HDAC9: variants seen among roughly 807,000 people sequenced by gnomAD.
HDAC9 encodes MEF-2 interacting transcription repressor (MITR) protein.
HDAC9 carries 41 observed loss-of-function variants against 139.4 expected under a neutral mutation model. The observed-to-expected ratio is 0.29, with a 90% CI of 0.23 to 0.38. The LOEUF (loss-of-function observed/expected upper bound fraction) is 0.38, where lower values mean the gene tolerates loss of function less well. Among genes scored for constraint, HDAC9 ranks in the 10% least tolerant of loss-of-function variants. HDAC9 has a pLI of 1.00. For synonymous variants in HDAC9, 517 were observed against 476.2 expected (o/e 1.09, Z -1.12); for missense variants, 1,147 against 1,297.0 (o/e 0.88, Z 1.78).
intron 1 of HDAC9, among the ~76,000 whole-genome samples, chr7:18,353,648 A>G (rs1408799385): frequency 6.6e-6 from 1 of 152,210 alleles, no homozygotes; most frequent in Non-Finnish European, 1.5e-5. Context: ...TTGGGTATCA[A>G]CAGCATATAA....
At chr7:18,507,488 C>T (rs561050566) in intron 2 of HDAC9, among the ~76,000 whole-genome samples, 2 of 150,984 alleles carry the variant, frequency 1.3e-5, no homozygotes, top group Non-Finnish European at 2.9e-5. Context: ...CCACCGCACC[C>T]GGCTATTATT....
intron 2 of HDAC9, among the ~76,000 whole-genome samples, chr7:18,271,179 T>G (rs1796327701): frequency 1.3e-5 from 2 of 152,180 alleles, no homozygotes; most frequent in African/African-American, 4.8e-5. Flanking sequence ...AACGTGTAAT[T>G]GGGGAAGAAA....
intron 1 of HDAC9, among the ~76,000 whole-genome samples, chr7:18,126,822 A>G (rs780563610): frequency 1.3e-5 from 2 of 152,160 alleles, no homozygotes; most frequent in Non-Finnish European, 2.9e-5. Flanking sequence ...TGGATTAAAG[A>G]TAGTAGTAGT....
chr7:18,734,241 T>C (rs1786672234), intron 13 of HDAC9, among the ~76,000 whole-genome samples: 1 of 152,202 alleles, frequency 6.6e-6, no homozygotes, highest in South Asian at 2.1e-4. Context: ...GTGATCTTTT[T>C]CATTATACTT....
chr7:18,375,427 C>G (rs1784914849), intron 1 of HDAC9, among the ~76,000 whole-genome samples: 2 of 152,144 alleles, frequency 1.3e-5, no homozygotes, highest in African/African-American at 4.8e-5. Context: ...CGAGATCACG[C>G]CACTGCGCTC....
chr7:18,117,288 C>A (rs1267273645), intron 1 of HDAC9, among the ~76,000 whole-genome samples: 1 of 151,988 alleles, frequency 6.6e-6, no homozygotes, highest in African/African-American at 2.4e-5. Context: ...AGATCGAGAC[C>A]TTCCTGGCTA....
At chr7:18,440,277 C>T (rs1007902071) in intron 1 of HDAC9, among the ~76,000 whole-genome samples, 1 of 151,712 alleles carries the variant, frequency 6.6e-6, no homozygotes, top group Non-Finnish European at 1.5e-5. Context: ...CTCCGCCTCC[C>T]AGGTTAAAGT....
intron 16 of HDAC9, among the ~76,000 whole-genome samples, chr7:18,777,356 TTGTGCATTTTAG>T (rs1397021146): frequency 1.3e-5 from 2 of 151,928 alleles, no homozygotes; most frequent in Non-Finnish European, 2.9e-5. Flanking sequence ...GTTTTTTTCC[TTGTGCATTTTAG>T]TGTCTTCTTG....
At chr7:18,666,522 A>T (rs775481041) in intron 12 of HDAC9, 46 bp downstream of exon 12, 2 of 1,584,354 alleles carry the variant, frequency 1.3e-6, no homozygotes, top group Non-Finnish European at 1.7e-6. Context: ...TAAAGTCATT[A>T]TCTGAACATG....
chr7:18,263,931 AGATTTT>A (rs1459167088), intron 2 of HDAC9, among the ~76,000 whole-genome samples: 2 of 152,150 alleles, frequency 1.3e-5, no homozygotes, highest in African/African-American at 4.8e-5. Flanking sequence ...CTGACACAAT[AGATTTT>A]AAAGGACAAT....
chr7:18,456,330 G>A (rs534423425), intron 1 of HDAC9, among the ~76,000 whole-genome samples: 32 of 152,094 alleles, frequency 2.1e-4, no homozygotes, highest in Admixed American at 6.5e-4. Context: ...TCCACCTCCC[G>A]GGTTCAAGTG....
At chr7:18,963,666 C>G (rs1554412827) in intron 24 of HDAC9, among the ~76,000 whole-genome samples, 1 of 151,870 alleles carries the variant, frequency 6.6e-6, no homozygotes, top group Non-Finnish European at 1.5e-5. Context: ...TTCTTTTTTT[C>G]TAAAGACATA....
At chr7:18,162,978 G>A (rs970515240) in intron 2 of HDAC9, among the ~76,000 whole-genome samples, 1 of 152,180 alleles carries the variant, frequency 6.6e-6, no homozygotes, top group Non-Finnish European at 1.5e-5. Context: ...TGGGAATGAT[G>A]AAGTAGGGTC....
At chr7:18,895,203 C>T (rs1225534167) in intron 22 of HDAC9, among the ~76,000 whole-genome samples, 1 of 152,074 alleles carries the variant, frequency 6.6e-6, no homozygotes, top group African/African-American at 2.4e-5. Flanking sequence ...TACCATTTCA[C>T]CAGCCATATT....
intron 1 of HDAC9, among the ~76,000 whole-genome samples, chr7:18,485,025 C>G (rs1795871037): frequency 6.6e-6 from 1 of 152,062 alleles, no homozygotes; most frequent in Non-Finnish European, 1.5e-5. Flanking sequence ...TTACAAAAAA[C>G]AGATTGTTAC....
intron 16 of HDAC9, among the ~76,000 whole-genome samples, chr7:18,775,874 T>G (rs1170476943): frequency 6.6e-6 from 1 of 152,064 alleles, no homozygotes; most frequent in African/African-American, 2.4e-5. Context: ...AGTAGTCTAA[T>G]GAAACAGTTC....
At chr7:18,271,889 G>C (rs940841280) in intron 2 of HDAC9, among the ~76,000 whole-genome samples, 3 of 152,192 alleles carry the variant, frequency 2.0e-5, no homozygotes, top group Admixed American at 2.0e-4. Context: ...AACATTGATA[G>C]CATTTAGTAA....
At chr7:18,637,547 G>A (rs1383868354) in intron 8 of HDAC9, among the ~76,000 whole-genome samples, 2 of 152,040 alleles carry the variant, frequency 1.3e-5, no homozygotes, top group Admixed American at 1.3e-4. Flanking sequence ...AGGGAAATGT[G>A]ATTTAATGGA....
chr7:18,652,377 T>C (rs762777178), intron 11 of HDAC9, among the ~76,000 whole-genome samples: 7 of 152,104 alleles, frequency 4.6e-5, no homozygotes, highest in Non-Finnish European at 8.8e-5. Flanking sequence ...AGTTTAAATA[T>C]TACCACAGGA....
Sources: allele counts gnomAD v4.1 joint callset (sites outside exome capture counted in the v4.1 genomes callset), GRCh38; gene constraint gnomAD v4.1.1; transcripts MANE v1.5; gene names NCBI Gene and HGNC (gene_info 2026-07-23, HGNC 2026-07-21).